PXK: variants seen among roughly 807,000 people sequenced by gnomAD.
PXK encodes PX domain-containing protein kinase-like protein.
Under a neutral mutation model 84.7 loss-of-function variants are expected in PXK, and 35 were observed. The observed-to-expected ratio is 0.41, with a 90% CI of 0.32 to 0.55. The LOEUF is 0.55. Among genes scored for constraint, PXK ranks in the 20% least tolerant of loss-of-function variants. The pLI is 0.21. For missense variants in PXK, 634 were observed against 699.7 expected (o/e 0.91, Z 1.06); for synonymous variants, 253 against 260.8 (o/e 0.97, Z 0.29).
In PXK at chr3:58,398,418, A is replaced by G. The variant is rs181626905; in HGVS notation, c.1102+696A>G. On this transcript the variant is annotated intron_variant, in intron 11 of 17. Coordinates refer to ENST00000356151, the MANE Select transcript of PXK (RefSeq NM_017771.5). This position sits in a 1 kb window ranked among gnomAD's most constrained non-coding sequence, Gnocchi z 4.5. Reference sequence around the variant, plus strand: ...GTAAGACTCTGCCTCAAACGAAAACAAAACAAAACAAGAATGCCATAGGCC... The same window carrying G: ...GTAAGACTCTGCCTCAAACGAAAACGAAACAAAACAAGAATGCCATAGGCC... 8.0e-4 allele frequency among the ~76,000 whole-genome samples: 122 copies of G among 152,302 alleles called. No individual in the cohort carries two copies. The highest frequency in any genetic ancestry group is 1.6e-4 in the Non-Finnish European group (11 of 68,028).
Position 58,412,889 on chromosome 3 carries a change from GT to G in PXK, c.1466-8del, listed in dbSNP as rs779033197. 6 of 1,614,012 alleles carry G rather than the reference GT, an allele frequency of 3.7e-6. No individual in the cohort carries two copies. The African/African-American group carries it at 8.0e-5, about 22-fold the overall frequency. ...TTGGTCCCCATGAGGGTTTCTCTGT[GT>G]TTTATCTTAGCAGGATCTGGGGCCA... is the stretch of plus-strand genomic sequence containing the variant. On this transcript the variant is annotated splice_polypyrimidine_tract_variant and intron_variant, in intron 16 of 17. Transcript: ENST00000356151. The surrounding 1 kb of genome is among the most constrained non-coding windows in gnomAD (Gnocchi z 6.2).
intron 4 of PXK, among the ~76,000 whole-genome samples, chr3:58,389,472 CATT>C (rs2098600608): frequency 1.3e-5 from 2 of 152,098 alleles, no homozygotes; most frequent in African/African-American, 2.4e-5. Flanking sequence ...TACATTTTCA[CATT>C]ATTAATAATT....
chr3:58,410,062 C>T, intron 15 of PXK, 28 bp from the exon 16 acceptor site: 5 of 1,446,268 alleles, frequency 3.5e-6, no homozygotes, highest in Non-Finnish European at 4.9e-6. Flanking sequence ...TCCTCTCCCT[C>T]CCTCCCCCTT....
intron 1 of PXK, among the ~76,000 whole-genome samples, chr3:58,344,257 G>A (rs1016134997): frequency 1.3e-5 from 2 of 152,152 alleles, no homozygotes; most frequent in African/African-American, 4.8e-5. Context: ...CCAGAGCACT[G>A]GCGTACTACT....
At chr3:58,351,435 ATT>A (rs2097923339) in intron 1 of PXK, among the ~76,000 whole-genome samples, 4 of 93,658 alleles carry the variant, frequency 4.3e-5, no homozygotes, top group African/African-American at 1.4e-4. Context: ...GTGTGTGTGT[ATT>A]TTTTGTAGAG....
At chr3:58,405,863 A>G (rs890400562) in intron 13 of PXK, among the ~76,000 whole-genome samples, 1 of 152,226 alleles carries the variant, frequency 6.6e-6, no homozygotes, top group Non-Finnish European at 1.5e-5. Flanking sequence ...GGAAAGTTTA[A>G]TCTTACAAAA....
rs986756604 is a variant in PXK, at chr3:58,364,566, G to T, written c.103-1308G>T. Among the ~76,000 whole-genome samples the T allele has an allele frequency of 6.6e-6, 1 of 152,122 alleles. No individual in the cohort carries two copies. Among genetic ancestry groups the T allele is most frequent in the Non-Finnish European group, 1.5e-5 (1 of 68,030 alleles). ...ATCTCCGCTAAAAACACAAAAATTA[G>T]CCGGGAACAGTGGCAGGCACCTGTA... On this transcript the variant is annotated intron_variant, in intron 1 of 17. Transcript: ENST00000356151. The surrounding 1 kb of genome is among the most constrained non-coding windows in gnomAD (Gnocchi z 4.3).
At chr3:58,353,407 TGCCTTTA>T (rs1369799292) in intron 1 of PXK, among the ~76,000 whole-genome samples, 73 of 152,330 alleles carry the variant, frequency 4.8e-4, no homozygotes, top group African/African-American at 1.7e-3. Context: ...ATTCTTCAGA[TGCCTTTA>T]AAAACCCTTA....
At chr3:58,389,862 G>T (rs2098605710) in intron 4 of PXK, among the ~76,000 whole-genome samples, 1 of 151,908 alleles carries the variant, frequency 6.6e-6, no homozygotes, top group Admixed American at 6.6e-5. Flanking sequence ...AGCTGGGCAT[G>T]GTGGCGCATG....
intron 1 of PXK, among the ~76,000 whole-genome samples, chr3:58,353,517 G>T (rs1175304499): frequency 6.6e-6 from 1 of 152,188 alleles, no homozygotes; most frequent in Non-Finnish European, 1.5e-5. Flanking sequence ...CTGAAAATCT[G>T]CAGATGAAAC....
chr3:58,362,568 A>G (rs1320172324), intron 1 of PXK, among the ~76,000 whole-genome samples: 1 of 152,216 alleles, frequency 6.6e-6, no homozygotes, highest in Non-Finnish European at 1.5e-5. Context: ...ACTTTCATCA[A>G]AAATTTAATT....
At position 58,398,939 on chromosome 3, in the gene PXK, G is replaced by T. The variant is rs1256728396; in HGVS notation, c.1103-360G>T. On this transcript the variant is annotated intron_variant, in intron 11 of 17. Transcript: ENST00000356151. The surrounding 1 kb of genome is among the most constrained non-coding windows in gnomAD (Gnocchi z 4.5). Reference sequence around the variant, plus strand: ...GTGTGCTGGTTTTGATGAAAAGCAGGCAAGCAGCAAAATGTCTTTCAAGTT... The same window carrying T: ...GTGTGCTGGTTTTGATGAAAAGCAGTCAAGCAGCAAAATGTCTTTCAAGTT... 1.3e-5 allele frequency among the ~76,000 whole-genome samples: 2 copies of T among 152,172 alleles called. No individual in the cohort carries two copies. The highest frequency in any genetic ancestry group is 1.3e-4 in the Admixed American group (2 of 15,276).
At chr3:58,408,460 G>A (rs752323559) in intron 13 of PXK, among the ~76,000 whole-genome samples, 6 of 151,792 alleles carry the variant, frequency 4.0e-5, no homozygotes, top group Non-Finnish European at 8.8e-5. Flanking sequence ...GTGTGTTAGG[G>A]ATACCAAAAG....
Position 58,333,830 on chromosome 3 carries a change from T to C in PXK, c.102+740T>C, listed in dbSNP as rs915570174. Among the ~76,000 whole-genome samples the C allele has an allele frequency of 1.3e-5, 2 of 151,964 alleles. No homozygotes were observed. Among genetic ancestry groups the C allele is most frequent in the African/African-American group, 4.8e-5 (2 of 41,392 alleles). On this transcript the variant is annotated intron_variant, in intron 1 of 17. Transcript: ENST00000356151. The surrounding 1 kb of genome is among the most constrained non-coding windows in gnomAD (Gnocchi z 5.4). ...GGGTTCATTTCTGCTACATATACGG[T>C]CTTTTATGGGGCTTTAAAACCGTGG...
intron 1 of PXK, among the ~76,000 whole-genome samples, chr3:58,338,690 C>CT (rs869295407): frequency 0.047 from 6,591 of 140,440 alleles, 494 homozygotes; most frequent in African/African-American, 0.16. Flanking sequence ...CTTCCTTTTT[C>CT]TTTTTTTTTT....
chr3:58,377,382 G>C (rs1225008144), intron 3 of PXK, among the ~76,000 whole-genome samples: 1 of 151,948 alleles, frequency 6.6e-6, no homozygotes, highest in African/African-American at 2.4e-5. Flanking sequence ...CCTTACCCTC[G>C]ATCAATACAC....
chr3:58,388,408 G>T lies in PXK; in HGVS notation c.389-2174G>T, dbSNP rs146656034. Among the ~76,000 whole-genome samples, 464 of 152,250 alleles carry T rather than the reference G, an allele frequency of 3.0e-3. 1 individual carries two copies. Among genetic ancestry groups the T allele is most frequent in the African/African-American group, 0.011 (442 of 41,548 alleles). ...TTAGAATGACATTGTACACATTAGA[G>T]AATTATTTTTCATGCTCCTTCTCAA... On this transcript the variant is annotated intron_variant, in intron 4 of 17. Transcript: ENST00000356151.
chr3:58,382,772 G>A, intron 4 of PXK, 72 bp downstream of exon 4: 2 of 1,168,274 alleles, frequency 1.7e-6, no homozygotes, highest in Non-Finnish European at 2.3e-6. Context: ...GATAACGTAT[G>A]TGGGAGAAAT....
chr3:58,413,660 C>G (rs1377657698), intron 17 of PXK: 1 of 152,078 alleles, frequency 6.6e-6, no homozygotes, highest in Non-Finnish European at 1.5e-5. Context: ...TTTGCAAGCC[C>G]AATAAAAACA....
Sources: allele counts gnomAD v4.1 joint callset (sites outside exome capture counted in the v4.1 genomes callset), GRCh38; gene constraint gnomAD v4.1.1; non-coding constraint Gnocchi (gnomAD v3.1); transcripts MANE v1.5; gene names NCBI Gene and HGNC (gene_info 2026-07-23, HGNC 2026-07-21).